Variants in SLIT3 observed in about 807,000 individuals in gnomAD.
SLIT3 encodes the protein slit homolog 3 protein.
Under a neutral mutation model 184.0 loss-of-function variants are expected in SLIT3, and 68 were observed. The ratio of observed to expected loss-of-function variants is 0.37; its 90% CI spans 0.30 to 0.45. The LOEUF (loss-of-function observed/expected upper bound fraction) is 0.45. Ranked by LOEUF, SLIT3 falls within the 20% of genes least tolerant of loss-of-function variation. SLIT3 has a pLI of 1.00. For synonymous variants in SLIT3, 831 were observed against 828.6 expected (o/e 1.00, Z -0.05); for missense variants, 1,707 against 2,026.0 (o/e 0.84, Z 3.02).
intron 4 of SLIT3, among the ~76,000 whole-genome samples, chr5:169,043,711 G>A (rs530455521): frequency 7.9e-5 from 12 of 152,324 alleles, no homozygotes; most frequent in Admixed American, 2.6e-4. Flanking sequence ...GCAATAAAGA[G>A]AAGCAAGAGA....
At chr5:169,047,622 C>G (rs10056224) in intron 4 of SLIT3, among the ~76,000 whole-genome samples, 5,632 of 152,080 alleles carry the variant, frequency 0.037, 357 homozygotes, top group African/African-American at 0.13. Flanking sequence ...CTCCCATGAT[C>G]ACTCCTTCAG....
intron 4 of SLIT3, among the ~76,000 whole-genome samples, chr5:169,174,979 G>C (rs1435299007): frequency 6.6e-6 from 1 of 152,152 alleles, no homozygotes; most frequent in African/African-American, 2.4e-5. Context: ...CTTGGCTCCT[G>C]ACTGTGTGTT....
intron 19 of SLIT3, among the ~76,000 whole-genome samples, chr5:168,748,907 T>A (rs1262349543): frequency 6.6e-6 from 1 of 152,226 alleles, no homozygotes; most frequent in Non-Finnish European, 1.5e-5. Flanking sequence ...TGTGCTGGCT[T>A]GAATTTATGC....
chr5:169,286,222 C>G (rs945880491), intron 1 of SLIT3, among the ~76,000 whole-genome samples: 1 of 129,212 alleles, frequency 7.7e-6, no homozygotes, highest in Non-Finnish European at 1.7e-5. Flanking sequence ...AACTGCTGTA[C>G]TATAGAGGAA....
At chr5:168,961,706 TA>T (rs1240526577) in intron 4 of SLIT3, among the ~76,000 whole-genome samples, 2 of 152,124 alleles carry the variant, frequency 1.3e-5, no homozygotes, top group Non-Finnish European at 2.9e-5. Flanking sequence ...GTAGAATTGG[TA>T]AAAAGCTCTG....
intron 9 of SLIT3, among the ~76,000 whole-genome samples, chr5:168,806,121 G>C (rs1427705760): frequency 6.6e-6 from 1 of 152,184 alleles, no homozygotes; most frequent in Non-Finnish European, 1.5e-5. Flanking sequence ...TTCTGTGACA[G>C]CTGCTCAATA....
chr5:168,974,144 C>T (rs1754676084), intron 4 of SLIT3, among the ~76,000 whole-genome samples: 1 of 152,112 alleles, frequency 6.6e-6, no homozygotes, highest in South Asian at 2.1e-4. Context: ...AAATTATATC[C>T]AGAGAGGTGC....
At chr5:169,279,120 G>A (rs1210883237) in intron 1 of SLIT3, among the ~76,000 whole-genome samples, 2 of 152,178 alleles carry the variant, frequency 1.3e-5, no homozygotes, top group South Asian at 4.1e-4. Flanking sequence ...GTGTTACACT[G>A]AAGCATATTG....
At chr5:168,671,549 G>A (rs1053426097) in intron 33 of SLIT3, 66 bp from the exon 34 acceptor site, 11 of 1,505,242 alleles carry the variant, frequency 7.3e-6, no homozygotes, top group Admixed American at 2.1e-5. Context: ...TCCTCAGAGC[G>A]AAAAAGCACT....
At chr5:168,873,936 A>G (rs1759633146) in intron 5 of SLIT3, among the ~76,000 whole-genome samples, 1 of 152,178 alleles carries the variant, frequency 6.6e-6, no homozygotes, top group African/African-American at 2.4e-5. Context: ...GTTAATACTC[A>G]TCTCCTCCTA....
chr5:169,010,464 G>T (rs978393888), intron 4 of SLIT3, among the ~76,000 whole-genome samples: 2 of 152,128 alleles, frequency 1.3e-5, no homozygotes, highest in African/African-American at 4.8e-5. Context: ...CCTGTACTGG[G>T]TGTCCTGTAT....
At chr5:168,726,975 C>T (rs929277224) in intron 20 of SLIT3, among the ~76,000 whole-genome samples, 8 of 149,662 alleles carry the variant, frequency 5.3e-5, no homozygotes, top group Non-Finnish European at 1.0e-4. Context: ...TGCACTACTA[C>T]ACTCCAGCCT....
intron 23 of SLIT3, among the ~76,000 whole-genome samples, chr5:168,721,310 G>A (rs1409469498): frequency 1.3e-5 from 2 of 152,188 alleles, no homozygotes; most frequent in African/African-American, 4.8e-5. Context: ...ATTGGGGGTG[G>A]TGGTGGGGTG....
intron 6 of SLIT3, among the ~76,000 whole-genome samples, chr5:168,834,673 C>G (rs1298142204): frequency 2.8e-5 from 3 of 108,546 alleles, no homozygotes; most frequent in Admixed American, 1.4e-4. Flanking sequence ...GGACACACAG[C>G]GAGACTCTGT....
chr5:168,844,105 C>T (rs1758365680), intron 6 of SLIT3, among the ~76,000 whole-genome samples: 2 of 152,004 alleles, frequency 1.3e-5, no homozygotes, highest in Admixed American at 6.6e-5. Context: ...TGGCATTCCC[C>T]TGCCCTGTGC....
At position 169,040,134 on chromosome 5, in the gene SLIT3, C is replaced by T. The variant is rs184423789; in HGVS notation, c.413+153345G>A. 1.1e-3 allele frequency among the ~76,000 whole-genome samples: 165 copies of T among 152,170 alleles called. 1 individual carries two copies. The highest frequency in any genetic ancestry group is 1.6e-3 in the Non-Finnish European group (109 of 67,988). ...AACACGTAATCTAATTCCTATCGAC[C>T]ACATCCAGGGTTTCATTCAACTTTT... On this transcript the variant is annotated intron_variant, in intron 4 of 35. Transcript: ENST00000519560.
chr5:169,240,854 C>G (rs927080830), intron 3 of SLIT3, among the ~76,000 whole-genome samples: 2 of 149,272 alleles, frequency 1.3e-5, no homozygotes, highest in Non-Finnish European at 3.0e-5. Context: ...CTCCTTTCCC[C>G]TGAGACTATC....
At chr5:168,683,851 G>C in intron 32 of SLIT3, 115 bp downstream of exon 32, 1 of 971,378 alleles carries the variant, frequency 1.0e-6, no homozygotes, top group Admixed American at 3.2e-5. Context: ...GTGCGTGGTA[G>C]GGGCGGGGAG....
intron 1 of SLIT3, among the ~76,000 whole-genome samples, chr5:169,254,128 T>A (rs914386012): frequency 6.6e-6 from 1 of 150,640 alleles, no homozygotes; most frequent in Non-Finnish European, 1.5e-5. Flanking sequence ...AGTAACTTAC[T>A]TACATTCTCT....
Sources: gnomAD v4.1 joint callset for allele counts (sites outside exome capture counted in the v4.1 genomes callset) on GRCh38, gnomAD v4.1.1 for gene constraint, MANE v1.5 for transcripts, NCBI Gene and HGNC (gene_info 2026-07-23, HGNC 2026-07-21) for gene names.